CEP192: variants seen among roughly 807,000 people sequenced by gnomAD.
CEP192 encodes the protein centrosomal protein of 192 kDa.
In CEP192, 151 loss-of-function variants were observed where a neutral mutation model predicts 271.8. That is an observed-to-expected ratio of 0.56 (90% confidence interval 0.49 to 0.64). The LOEUF (loss-of-function observed/expected upper bound fraction) is 0.64, where lower values mean the gene tolerates loss of function less well. Among genes scored for constraint, CEP192 ranks in the 30% least tolerant of loss-of-function variants. CEP192 has a pLI of 0.00. For missense variants in CEP192, 2,910 were observed against 3,020.5 expected, an observed-to-expected ratio of 0.96 and a Z score of 0.86; for synonymous variants, 995 against 1,076.5, an observed-to-expected ratio of 0.92 and a Z score of 1.48.
At chr18:12,993,448 T>A (rs1161256795) in intron 1 of CEP192, among the ~76,000 whole-genome samples, 1 of 152,180 alleles carries the variant, frequency 6.6e-6, no homozygotes, top group East Asian at 1.9e-4. Context: ...ATTGGTGTAG[T>A]ATTTACATAT....
intron 3 of CEP192, among the ~76,000 whole-genome samples, chr18:13,003,359 G>A (rs1437936126): frequency 4.0e-5 from 6 of 149,110 alleles, no homozygotes; most frequent in Non-Finnish European, 5.9e-5. Flanking sequence ...TGCAGCAGGA[G>A]AATTGCTTGA....
At chr18:13,107,423 G>T (rs981869047) in intron 40 of CEP192, among the ~76,000 whole-genome samples, 1 of 152,122 alleles carries the variant, frequency 6.6e-6, no homozygotes, top group Admixed American at 6.5e-5. Flanking sequence ...TCATACTAAA[G>T]AATGTTTTTG....
rs1401093505 is a variant in CEP192 at position 13,049,780 on chromosome 18, C to T, written c.2906C>T (p.Ser969Phe). 3 of 1,613,508 alleles carry T rather than the reference C, an allele frequency of 1.9e-6. No individual in the cohort carries two copies. The highest frequency in any genetic ancestry group is 2.5e-6 in the Non-Finnish European group (3 of 1,179,804). Residue 969 changes from serine (S) to phenylalanine (F), a missense_variant, in exon 17 of 45, where the codon TCT becomes TTT. By Grantham distance (155) the Ser-to-Phe change is radical. Transcript: ENST00000506447. ...TTTCTGATAGATTTGAAAAATACCTCTCCTGAGCATGGTGGACGTGGCTCA... is the reference window on the plus strand; with the variant it reads ...TTTCTGATAGATTTGAAAAATACCTTTCCTGAGCATGGTGGACGTGGCTCA... ...SPKNSDLKNT[S>F]PEHGGRGSED...
rs2034113036 is a variant in CEP192, at chr18:13,008,410, C to T, written c.291-46C>T. 4 of 1,280,706 alleles carry T rather than the reference C, an allele frequency of 3.1e-6. No homozygotes were observed. In the East Asian group the frequency reaches 7.6e-5, roughly 24 times the overall value. 79.3% of individuals were successfully genotyped at this position (1,280,706 alleles called of 1,614,324 possible). On this transcript the variant is annotated intron_variant, in intron 3 of 44. Coordinates refer to ENST00000506447, the MANE Select transcript of CEP192 (RefSeq NM_032142.4). ...TTAATAAATATTTTGTAGATTTACCCAAGGTAACTAACATTTTATCATTCT... is the reference window on the plus strand; with the variant it reads ...TTAATAAATATTTTGTAGATTTACCTAAGGTAACTAACATTTTATCATTCT...
intron 15 of CEP192, among the ~76,000 whole-genome samples, chr18:13,048,363 ATGT>A (rs2036591997): frequency 6.6e-6 from 1 of 152,040 alleles, no homozygotes; most frequent in African/African-American, 2.4e-5. Context: ...GACTCTAGGG[ATGT>A]TGCAGTGCTT....
At chr18:13,099,735 C>T (rs931374415) in intron 37 of CEP192, among the ~76,000 whole-genome samples, 154 bp downstream of exon 37, 1 of 152,058 alleles carries the variant, frequency 6.6e-6, no homozygotes, top group African/African-American at 2.4e-5. Flanking sequence ...ATTCAACCAA[C>T]CACAGATTGA....
intron 30 of CEP192, among the ~76,000 whole-genome samples, chr18:13,077,409 C>G (rs535415367): frequency 1.3e-5 from 2 of 152,264 alleles, no homozygotes; most frequent in Admixed American, 1.3e-4. Flanking sequence ...ATTCCCAAAT[C>G]TAGAACACCT....
At chr18:13,112,095 A>G (rs1353905851) in intron 40 of CEP192, among the ~76,000 whole-genome samples, 1 of 152,244 alleles carries the variant, frequency 6.6e-6, no homozygotes, top group Non-Finnish European at 1.5e-5. Context: ...ACATAGAATT[A>G]CTGCATGACC....
At chr18:13,113,780 T>C (rs2040312463) in intron 41 of CEP192, 75 bp downstream of exon 41, 2 of 1,403,830 alleles carry the variant, frequency 1.4e-6, no homozygotes, top group Non-Finnish European at 1.9e-6. Context: ...TAAGAAAAGT[T>C]GGCCTGAAAA....
chr18:13,005,917 G>A (rs60934409), intron 3 of CEP192, among the ~76,000 whole-genome samples: 6,629 of 152,264 alleles, frequency 0.044, 213 homozygotes, highest in African/African-American at 0.094. Flanking sequence ...CATTGTACAT[G>A]AAGTCTGGTA....
intron 30 of CEP192, among the ~76,000 whole-genome samples, chr18:13,079,911 T>G (rs560617985): frequency 6.6e-6 from 1 of 152,106 alleles, no homozygotes; most frequent in African/African-American, 2.4e-5. Context: ...CCCCATTTCT[T>G]TTTTTGTCAG....
chr18:13,057,874 C>T, intron 20 of CEP192, 141 bp downstream of exon 20: 1 of 686,210 alleles, frequency 1.5e-6, no homozygotes, highest in Non-Finnish European at 2.3e-6. Context: ...TTCTCTCAGA[C>T]CCCTTTTGTT....
chr18:13,003,644 GACTCAGAGATACGGGA>G, intron 3 of CEP192, among the ~76,000 whole-genome samples: 1 of 151,976 alleles, frequency 6.6e-6, no homozygotes, highest in South Asian at 2.1e-4. Flanking sequence ...CCTTGACTCT[GACTCAGAGATACGGGA>G]AGCCACTAGA....
At chr18:12,991,726 T>G (rs888301235) in intron 1 of CEP192, among the ~76,000 whole-genome samples, 64 of 152,236 alleles carry the variant, frequency 4.2e-4, no homozygotes, top group Non-Finnish European at 7.3e-4. Flanking sequence ...GGGGATCACG[T>G]CCTTCTTTCC....
intron 4 of CEP192, 143 bp from the exon 5 acceptor site, chr18:13,012,830 C>G (rs1339322802): frequency 4.0e-6 from 2 of 493,894 alleles, no homozygotes; most frequent in Non-Finnish European, 7.2e-6. Flanking sequence ...TGTAACTGAC[C>G]TATGATGGAT....
chr18:13,085,619 C>A (rs1489755701), intron 30 of CEP192, among the ~76,000 whole-genome samples: 3 of 152,168 alleles, frequency 2.0e-5, no homozygotes, highest in Non-Finnish European at 4.4e-5. Flanking sequence ...ATATGGCTAG[C>A]CAGTTTTCCT....
At chr18:12,995,605 C>A (rs2033178111) in intron 1 of CEP192, among the ~76,000 whole-genome samples, 1 of 152,184 alleles carries the variant, frequency 6.6e-6, no homozygotes, top group Admixed American at 6.5e-5. Context: ...GGCAAAGTTC[C>A]TGCCCTCATA....
At chr18:13,008,191 A>C (rs140452063) in intron 3 of CEP192, among the ~76,000 whole-genome samples, 1 of 152,202 alleles carries the variant, frequency 6.6e-6, no homozygotes, top group Admixed American at 6.5e-5. Context: ...AAGTAAAAAA[A>C]CCACTTTTTG....
In CEP192 at chr18:13,038,433, A is replaced by G; in HGVS notation, c.1663A>G (p.Ile555Val). Residue 555 changes from isoleucine (I) to valine (V), a missense_variant, in exon 13 of 45, where the codon ATT becomes GTT. By Grantham distance (29) the Ile-to-Val change is conservative. Transcript: ENST00000506447. ...GGGCGATACGTCCTGGGGAGCTACA[A>G]TTAATTACAGTCTGTTGAGGAAATC... ...ALGDTSWGAT[I>V]NYSLLRKSRS... 6.4e-7 allele frequency: 1 copy of G among 1,551,666 alleles called. No homozygotes were observed. The highest frequency in any genetic ancestry group is 1.2e-5 in the South Asian group (1 of 84,064).
Sources: allele counts gnomAD v4.1 joint callset (sites outside exome capture counted in the v4.1 genomes callset), GRCh38; gene constraint gnomAD v4.1.1; transcripts MANE v1.5; gene names NCBI Gene and HGNC (gene_info 2026-07-23, HGNC 2026-07-21).